SHOC1: variants seen among roughly 807,000 people sequenced by gnomAD.
SHOC1 encodes the protein protein shortage in chiasmata 1 ortholog.
SHOC1 carries 136 observed loss-of-function variants against 179.2 expected under a neutral mutation model. The ratio of observed to expected loss-of-function variants is 0.76; its 90% CI spans 0.66 to 0.87. The LOEUF (loss-of-function observed/expected upper bound fraction) is 0.87. SHOC1 is among the 40% of genes least tolerant of loss of function. The pLI is 0.00. For synonymous variants in SHOC1, 489 were observed against 586.6 expected (o/e 0.83, Z 2.41); for missense variants, 1,538 against 1,700.8 (o/e 0.90, Z 1.68).
chr9:111,707,151 T>C (rs1832314812), intron 19 of SHOC1, among the ~76,000 whole-genome samples: 1 of 152,034 alleles, frequency 6.6e-6, no homozygotes, highest in Non-Finnish European at 1.5e-5. Flanking sequence ...TTTTTCTTAA[T>C]GGGCTTCATA....
intron 24 of SHOC1, among the ~76,000 whole-genome samples, chr9:111,696,394 C>T (rs1005758360): frequency 1.3e-5 from 2 of 151,978 alleles, no homozygotes; most frequent in African/African-American, 4.8e-5. Context: ...AATATGAGTC[C>T]AGGGAGCCTC....
At chr9:111,733,854 T>C (rs998546923) in intron 12 of SHOC1, among the ~76,000 whole-genome samples, 1 of 143,236 alleles carries the variant, frequency 7.0e-6, no homozygotes, top group Non-Finnish European at 1.6e-5. Context: ...CAAGACTCTG[T>C]CTCAAAAAAA....
chr9:111,757,505 A>G (rs778065082), intron 7 of SHOC1, among the ~76,000 whole-genome samples: 1 of 152,226 alleles, frequency 6.6e-6, no homozygotes, highest in Non-Finnish European at 1.5e-5. Flanking sequence ...CGCAATAGCT[A>G]GAATTCTTTA....
intron 16 of SHOC1, 36 bp downstream of exon 16, chr9:111,718,148 A>G (rs777275945): frequency 1.4e-6 from 2 of 1,393,322 alleles, no homozygotes; most frequent in Admixed American, 4.5e-5. Flanking sequence ...AATATTTAAT[A>G]GGAAGAAAAG....
Position 111,727,979 on chromosome 9 carries a change from T to C in SHOC1, c.1488A>G (p.Leu496=). The change falls in exon 13 of 28, where the codon TTA becomes TTG. Residue 496 remains leucine (L), a synonymous_variant. Coordinates refer to ENST00000682961, the MANE Select transcript of SHOC1 (RefSeq NM_001378211.1). ...LIDEKSTNAH[L]SLPQKSPSLA... ...GAGATGGACTCTTTTGTGGAAGTGA[T>C]AAATGAGCATTTGTAGATTTTTCAT... 1 of 1,610,648 alleles carries C rather than the reference T, an allele frequency of 6.2e-7. No homozygotes were observed. The highest frequency in any genetic ancestry group is 8.5e-7 in the Non-Finnish European group (1 of 1,178,812).
intron 3 of SHOC1, among the ~76,000 whole-genome samples, chr9:111,783,981 G>A (rs1836174494): frequency 6.7e-6 from 1 of 149,264 alleles, no homozygotes; most frequent in Non-Finnish European, 1.5e-5. Context: ...CTAGGCTAAA[G>A]CACTGAAGGA....
intron 13 of SHOC1, among the ~76,000 whole-genome samples, chr9:111,726,500 C>T (rs12341546): frequency 0.18 from 27,812 of 152,114 alleles, 2,754 homozygotes; most frequent in Non-Finnish European, 0.22. Context: ...TGGCCTCAAA[C>T]AATCCTCCTG....
chr9:111,712,457 T>C (rs1320280126), intron 18 of SHOC1, among the ~76,000 whole-genome samples: 6 of 152,136 alleles, frequency 3.9e-5, no homozygotes, highest in Non-Finnish European at 5.9e-5. Context: ...GCGGTATATA[T>C]GTAGAGAAAA....
rs773664316 is a variant in SHOC1 at position 111,692,160 on chromosome 9, T to G, written c.3817A>C (p.Asn1273His). 6.2e-7 allele frequency: 1 copy of G among 1,613,724 alleles called. No individual in the cohort carries two copies. Among genetic ancestry groups the G allele is most frequent in the East Asian group, 2.2e-5 (1 of 44,856 alleles). The change falls in exon 27 of 28, where the codon AAT becomes CAT. Residue 1273 changes from asparagine to histidine, a missense_variant. Transcript: ENST00000682961. ...NIGQNTPFLI[N>H]IESRRPAYNS... ...TAAGCCGGTCTCCTTGATTCTATATTAATTAGAAAAGGAGTATTCTGCCCT... is the reference window on the plus strand; with the variant it reads ...TAAGCCGGTCTCCTTGATTCTATATGAATTAGAAAAGGAGTATTCTGCCCT...
At position 111,785,953 on chromosome 9, in the gene SHOC1, A is replaced by T. The variant is rs1478554410; in HGVS notation, c.128T>A (p.Val43Glu). ...CCTAAATTTATTATCAGTAACTGCT[A>T]CATGGTAACTTTCATCTTGATATAA... ...SCLYQDESYHVAVTDNKFRRP... is the reference protein window; with the variant it reads ...SCLYQDESYHEAVTDNKFRRP... The change falls in exon 3 of 28, where the codon GTA (valine) becomes GAA (glutamate). Residue 43 changes from valine (V) to glutamate (E), a missense_variant. Coordinates refer to ENST00000682961, the MANE Select transcript of SHOC1 (RefSeq NM_001378211.1). 3 of 1,525,728 alleles carry T rather than the reference A, an allele frequency of 2.0e-6. No individual in the cohort carries two copies. Among genetic ancestry groups the T allele is most frequent in the Non-Finnish European group, 2.6e-6 (3 of 1,137,118 alleles). The allele number at this position is 1,525,728 out of a possible 1,614,324, so 94.5% of individuals were successfully genotyped here.
chr9:111,727,010 A>G (rs1243631914), intron 13 of SHOC1, among the ~76,000 whole-genome samples: 1 of 152,206 alleles, frequency 6.6e-6, no homozygotes, highest in Non-Finnish European at 1.5e-5. Context: ...TTTAGGAATA[A>G]ACAATAGCAG....
chr9:111,772,344 G>C (rs1835647943), intron 5 of SHOC1, among the ~76,000 whole-genome samples: 1 of 152,108 alleles, frequency 6.6e-6, no homozygotes, highest in African/African-American at 2.4e-5. Context: ...AGAGATCACT[G>C]AATTTCCTTG....
chr9:111,778,752 CAGAG>C (rs1451292353), intron 4 of SHOC1, among the ~76,000 whole-genome samples: 1 of 118,280 alleles, frequency 8.5e-6, no homozygotes, highest in Non-Finnish European at 1.6e-5. Flanking sequence ...GCCTAGGTGA[CAGAG>C]AGAGACTCTG....
chr9:111,708,281 C>A (rs895990511), intron 18 of SHOC1, among the ~76,000 whole-genome samples: 2 of 151,986 alleles, frequency 1.3e-5, no homozygotes, highest in East Asian at 1.9e-4. Context: ...TGGCTCACTG[C>A]AACTTCCGCC....
At chr9:111,766,984 C>A (rs186682456) in intron 5 of SHOC1, among the ~76,000 whole-genome samples, 1 of 151,920 alleles carries the variant, frequency 6.6e-6, no homozygotes, top group Non-Finnish European at 1.5e-5. Context: ...AATCTGTTGG[C>A]CATTTCTTCT....
chr9:111,762,683 G>GT (rs1692531700), intron 5 of SHOC1, among the ~76,000 whole-genome samples: 1 of 152,044 alleles, frequency 6.6e-6, no homozygotes, highest in African/African-American at 2.4e-5. Context: ...ATTAAAAGCT[G>GT]TTATCAAACT....
chr9:111,747,366 A>C (rs1834336145), intron 9 of SHOC1, among the ~76,000 whole-genome samples: 1 of 152,218 alleles, frequency 6.6e-6, no homozygotes, highest in Non-Finnish European at 1.5e-5. Context: ...ATTAACAATA[A>C]TGATGACATA....
rs147451445 is a variant in SHOC1, at chr9:111,691,840, C to T, written c.4137G>A (p.Gln1379=). 2.0e-3 allele frequency: 3,284 copies of T among 1,613,622 alleles called. 115 individuals are homozygous for T. The Admixed American group carries it at 0.052, about 26-fold the overall frequency. The change falls in exon 27 of 28, where the codon CAG becomes CAA. Residue 1379 remains glutamine, a synonymous_variant. Coordinates refer to ENST00000682961, the MANE Select transcript of SHOC1 (RefSeq NM_001378211.1). The part of the protein sequence containing the change: ...NHPFNLQYGA[Q]QTACNKLYSQ... ...AGTACAATTTGTTACATGCAGTCTGCTGTGCACCATATTGTAAGTTGAACG... is the reference window on the plus strand; with the variant it reads ...AGTACAATTTGTTACATGCAGTCTGTTGTGCACCATATTGTAAGTTGAACG...
intron 14 of SHOC1, among the ~76,000 whole-genome samples, chr9:111,723,516 G>A (rs1833160723): frequency 6.6e-6 from 1 of 152,188 alleles, no homozygotes; most frequent in Non-Finnish European, 1.5e-5. Context: ...AGAGTCCGAG[G>A]AGGTACAGTT....
Sources: allele counts gnomAD v4.1 joint callset (sites outside exome capture counted in the v4.1 genomes callset), GRCh38; gene constraint gnomAD v4.1.1; transcripts MANE v1.5; gene names NCBI Gene and HGNC (gene_info 2026-07-23, HGNC 2026-07-21).